ARID1B: variants seen among roughly 807,000 people sequenced by gnomAD.
ARID1B encodes the protein AT-rich interactive domain-containing protein 1B.
ARID1B carries 30 observed loss-of-function variants against 212.3 expected under a neutral mutation model. The observed-to-expected ratio is 0.14, with a 90% CI of 0.11 to 0.19. The LOEUF is 0.19. Ranked by LOEUF, ARID1B falls within the 10% of genes least tolerant of loss-of-function variation. The pLI is 1.00. For synonymous variants in ARID1B, 1,402 were observed against 1,301.7 expected (o/e 1.08, Z -1.66); for missense variants, 2,891 against 3,204.0 (o/e 0.90, Z 2.36).
intron 4 of ARID1B, among the ~76,000 whole-genome samples, chr6:156,969,017 A>G (rs978245005): frequency 3.9e-5 from 6 of 152,242 alleles, no homozygotes; most frequent in Non-Finnish European, 7.3e-5. Context: ...ACTGTTGAAA[A>G]GGATGGCTCA....
intron 1 of ARID1B, among the ~76,000 whole-genome samples, chr6:156,824,012 C>T (rs1480970015): frequency 6.6e-6 from 1 of 152,152 alleles, no homozygotes; most frequent in African/African-American, 2.4e-5. Flanking sequence ...GAAAGCCTAT[C>T]TGACATGTAA....
chr6:157,012,382 A>C (rs192836216), intron 4 of ARID1B, among the ~76,000 whole-genome samples: 16 of 152,386 alleles, frequency 1.0e-4, no homozygotes, highest in Admixed American at 1.0e-3. Context: ...TGGGCCGATA[A>C]GGCAGTTATG....
intron 1 of ARID1B, among the ~76,000 whole-genome samples, chr6:156,805,938 A>G (rs1168460848): frequency 6.6e-6 from 1 of 152,082 alleles, no homozygotes; most frequent in African/African-American, 2.4e-5. Context: ...TGGCCTCCTG[A>G]TGTGTTGGGA....
At position 156,959,283 on chromosome 6, in the gene ARID1B, AG is replaced by A. The variant is rs377178311; in HGVS notation, c.2247+23708del. On this transcript the variant is annotated intron_variant, in intron 4 of 19. Transcript: ENST00000636930. The stretch of plus-strand genomic sequence containing the variant: ...GTAGATGCTCAAGTTCCTTAGATAA[AG>A]TTAGTAGTTGTAAGTAACCTACCAT... 7.9e-4 allele frequency among the ~76,000 whole-genome samples: 121 copies of A among 152,316 alleles called. 3 individuals are homozygous for A. The South Asian group carries it at 0.025, about 31-fold the overall frequency.
At chr6:156,806,301 C>T (rs1188327732) in intron 1 of ARID1B, among the ~76,000 whole-genome samples, 1 of 152,196 alleles carries the variant, frequency 6.6e-6, no homozygotes, top group Non-Finnish European at 1.5e-5. Context: ...CTTTTAGTTT[C>T]TCAAGTTGGG....
At chr6:157,017,970 A>T (rs937718583) in intron 4 of ARID1B, among the ~76,000 whole-genome samples, 1 of 150,680 alleles carries the variant, frequency 6.6e-6, no homozygotes, top group Admixed American at 6.6e-5. Context: ...CTACAAAAAA[A>T]AAAAAAAAAA....
chr6:157,005,667 C>T (rs191003771), intron 4 of ARID1B, among the ~76,000 whole-genome samples: 9 of 152,224 alleles, frequency 5.9e-5, no homozygotes, highest in South Asian at 2.1e-4. Flanking sequence ...AGTTCCTCCC[C>T]GATCTCCGTT....
chr6:156,871,040 TTA>T (rs1786087486), intron 2 of ARID1B, among the ~76,000 whole-genome samples: 1 of 152,216 alleles, frequency 6.6e-6, no homozygotes, highest in South Asian at 2.1e-4. Context: ...AGATTAGTAT[TTA>T]TGTCAGTAAG....
chr6:157,060,106 T>C (rs1783244548), intron 4 of ARID1B, among the ~76,000 whole-genome samples: 1 of 152,132 alleles, frequency 6.6e-6, no homozygotes, highest in Non-Finnish European at 1.5e-5. Context: ...ATGTAATTAG[T>C]GAAACAGGAA....
chr6:157,195,004 T>A (rs572717804), intron 15 of ARID1B: 1 of 152,264 alleles, frequency 6.6e-6, no homozygotes, highest in Admixed American at 6.5e-5. Flanking sequence ...AGACCCTCTC[T>A]CTAAAAAACA....
chr6:156,900,594 C>T (rs904101403), intron 2 of ARID1B, among the ~76,000 whole-genome samples: 2 of 152,138 alleles, frequency 1.3e-5, no homozygotes, highest in African/African-American at 4.8e-5. Flanking sequence ...TTCCTGCTCT[C>T]TCTTGAAATT....
chr6:157,049,256 A>G lies in ARID1B; in HGVS notation c.2248-35406A>G, dbSNP rs139354838. ...AGGCCACTCTGCCATGGCCGATTCT[A>G]GACCGTGGCCAAGGTGGGATGAAGC... On this transcript the variant is annotated intron_variant, in intron 4 of 19. Coordinates refer to ENST00000636930, the MANE Select transcript of ARID1B (RefSeq NM_001374828.1). 2.7e-3 allele frequency among the ~76,000 whole-genome samples: 408 copies of G among 151,632 alleles called. 2 individuals carry two copies. Among genetic ancestry groups the G allele is most frequent in the African/African-American group, 9.1e-3 (375 of 41,336 alleles).
intron 7 of ARID1B, among the ~76,000 whole-genome samples, chr6:157,143,248 G>A (rs760455008): frequency 4.6e-5 from 7 of 152,152 alleles, no homozygotes; most frequent in East Asian, 1.9e-4. Context: ...AGCATCTGCC[G>A]CCTTCATTGT....
At chr6:156,958,467 T>C (rs924133134) in intron 4 of ARID1B, among the ~76,000 whole-genome samples, 1 of 152,252 alleles carries the variant, frequency 6.6e-6, no homozygotes, top group African/African-American at 2.4e-5. Flanking sequence ...AATTTATGAA[T>C]TCATTTTGTT....
rs143045175 is a variant in ARID1B at position 157,124,569 on chromosome 6, G to A, written c.2582-8459G>A. Among the ~76,000 whole-genome samples the A allele has an allele frequency of 2.6e-5, 4 of 152,304 alleles. No individual in the cohort carries two copies. In the East Asian group the frequency reaches 7.7e-4, roughly 29 times the overall value. ...CTAGGCACACCTGTAAAAACAGCTGGAGCAAAGGACACAGCACACCATCTT... is the reference window on the plus strand; with the variant it reads ...CTAGGCACACCTGTAAAAACAGCTGAAGCAAAGGACACAGCACACCATCTT... On this transcript the variant is annotated intron_variant, in intron 6 of 19. Coordinates refer to ENST00000636930, the MANE Select transcript of ARID1B (RefSeq NM_001374828.1).
At chr6:156,993,296 C>T (rs1284718067) in intron 4 of ARID1B, among the ~76,000 whole-genome samples, 1 of 152,176 alleles carries the variant, frequency 6.6e-6, no homozygotes. Flanking sequence ...CCAGCCTCAG[C>T]CTCCCAAAGT....
At chr6:156,859,870 C>T (rs936374321) in intron 2 of ARID1B, among the ~76,000 whole-genome samples, 6 of 152,214 alleles carry the variant, frequency 3.9e-5, no homozygotes, top group African/African-American at 9.7e-5. Context: ...TTCATTCAGA[C>T]TTTCACACCC....
chr6:156,944,992 G>A (rs1339146297), intron 4 of ARID1B, among the ~76,000 whole-genome samples: 3 of 146,878 alleles, frequency 2.0e-5, no homozygotes, highest in South Asian at 2.2e-4. Flanking sequence ...GCTCGATCTC[G>A]GCTCACTGCA....
intron 4 of ARID1B, among the ~76,000 whole-genome samples, chr6:157,003,357 C>T (rs17088007): frequency 0.026 from 4,030 of 152,210 alleles, 258 homozygotes; most frequent in East Asian, 0.25. Context: ...GAATGCCTGG[C>T]CCCTACCTCG....
Sources: gnomAD v4.1 joint callset for allele counts (sites outside exome capture counted in the v4.1 genomes callset) on GRCh38, gnomAD v4.1.1 for gene constraint, MANE v1.5 for transcripts, NCBI Gene and HGNC (gene_info 2026-07-23, HGNC 2026-07-21) for gene names.